ATPAF2: variants seen among roughly 807,000 people sequenced by gnomAD.
ATPAF2 encodes ATP synthase mitochondrial F1 complex assembly factor 2, also known as ATP12 homolog.
Under a neutral mutation model 36.6 loss-of-function variants are expected in ATPAF2, and 30 were observed. The ratio of observed to expected loss-of-function variants is 0.82; its 90% CI spans 0.61 to 1.11. ATPAF2 has a LOEUF of 1.11. Ranked by LOEUF, ATPAF2 falls within the 50% of genes most tolerant of loss-of-function variation. ATPAF2 has a pLI of 0.00. For missense variants in ATPAF2, 321 were observed against 372.3 expected, an observed-to-expected ratio of 0.86 and a Z score of 1.13; for synonymous variants, 140 against 152.6, an observed-to-expected ratio of 0.92 and a Z score of 0.61.
At chr17:18,016,832 G>A, downstream of ATPAF2, 2 of 455,902 alleles carry the variant, frequency 4.4e-6, no homozygotes, top group African/African-American at 2.0e-5. Context: ...ACTTCCAAAA[G>A]TAGAGAAAAT....
intron 1 of ATPAF2, among the ~76,000 whole-genome samples, chr17:18,035,896 TA>T (rs1415287524): frequency 6.6e-6 from 1 of 152,194 alleles, no homozygotes; most frequent in African/African-American, 2.4e-5. Context: ...AGACAACTGG[TA>T]AATAGCAGAG....
chr17:18,037,113 C>G (rs1278475805), intron 1 of ATPAF2, among the ~76,000 whole-genome samples: 1 of 152,028 alleles, frequency 6.6e-6, no homozygotes. Context: ...ATTAATTAAC[C>G]CTTTGCTTTT....
downstream of ATPAF2, among the ~76,000 whole-genome samples, chr17:18,017,736 A>G (rs1032558435): frequency 1.3e-5 from 2 of 152,242 alleles, no homozygotes; most frequent in Admixed American, 1.3e-4. Flanking sequence ...GCAAGGACAC[A>G]GGGCTGAGAG....
intron 4 of ATPAF2, 97 bp from the exon 5 acceptor site, chr17:18,024,801 T>A: frequency 9.9e-7 from 1 of 1,012,504 alleles, no homozygotes; most frequent in Non-Finnish European, 1.5e-6. Flanking sequence ...AGCAAAAACT[T>A]CACCACCACC....
chr17:18,025,432 T>C (rs2044529639), intron 4 of ATPAF2: 1 of 156,652 alleles, frequency 6.4e-6, no homozygotes, highest in South Asian at 1.9e-4. Flanking sequence ...CTGTCTTGTG[T>C]AAGCAAAGTG....
At chr17:18,023,949 A>G (rs944332898) in intron 5 of ATPAF2, among the ~76,000 whole-genome samples, 8 of 152,330 alleles carry the variant, frequency 5.3e-5, no homozygotes, top group Admixed American at 2.6e-4. Flanking sequence ...TTAAAGAAAA[A>G]TATTTCATAT....
At chr17:18,019,421 CT>C (rs1320296482) in intron 7 of ATPAF2, among the ~76,000 whole-genome samples, 3 of 152,256 alleles carry the variant, frequency 2.0e-5, no homozygotes, top group Non-Finnish European at 4.4e-5. Context: ...TCCAAGTTGC[CT>C]TGCCATGCTG....
At chr17:18,027,369 G>A (rs998394017) in intron 3 of ATPAF2, among the ~76,000 whole-genome samples, 15 of 152,142 alleles carry the variant, frequency 9.9e-5, no homozygotes, top group African/African-American at 3.6e-4. Flanking sequence ...GATGTTGGGA[G>A]GAGGCCCACC....
intron 1 of ATPAF2, among the ~76,000 whole-genome samples, chr17:18,035,312 A>G (rs1645034909): frequency 6.6e-6 from 1 of 152,238 alleles, no homozygotes. Flanking sequence ...ACCACATTCT[A>G]TTTATATAAA....
At chr17:18,035,717 G>A (rs2044693980) in intron 1 of ATPAF2, among the ~76,000 whole-genome samples, 1 of 152,244 alleles carries the variant, frequency 6.6e-6, no homozygotes, top group Non-Finnish European at 1.5e-5. Flanking sequence ...GTAAATGAAT[G>A]CATGTGGCTG....
chr17:18,021,694 C>T, intron 6 of ATPAF2, 51 bp downstream of exon 6: 2 of 1,503,194 alleles, frequency 1.3e-6, no homozygotes, highest in Non-Finnish European at 1.9e-6. Context: ...GCTTCAGACA[C>T]TGATGGCCTT....
chr17:18,030,536 C>T (rs983540044), intron 1 of ATPAF2, among the ~76,000 whole-genome samples: 1 of 128,672 alleles, frequency 7.8e-6, no homozygotes, highest in Non-Finnish European at 1.7e-5. Context: ...AAAAAAAAAA[C>T]AAGCTTAAGT....
intron 2 of ATPAF2, 30 bp from the exon 3 acceptor site, chr17:18,028,407 G>A (rs1230812996): frequency 6.2e-7 from 1 of 1,611,790 alleles, no homozygotes; most frequent in Admixed American, 1.7e-5. Flanking sequence ...AACTCTCAGG[G>A]ATTTGTTAAG....
rs2044469427 is a variant in ATPAF2, at chr17:18,021,598, A to G, written c.616+147T>C. On this transcript the variant is annotated intron_variant, in intron 6 of 7. Coordinates refer to ENST00000474627, the MANE Select transcript of ATPAF2 (RefSeq NM_145691.4). Reference sequence around the variant, plus strand: ...CTAGAGCGTAGAGTGATTGGCTAGCATCAGAGCCACCCAGCCTCCACACTC... The same window carrying G: ...CTAGAGCGTAGAGTGATTGGCTAGCGTCAGAGCCACCCAGCCTCCACACTC... The G allele has an allele frequency of 3.8e-6, 3 of 782,368 alleles. No individual in the cohort carries two copies. The African/African-American group carries it at 5.1e-5, about 13-fold the overall frequency. 48.5% of individuals were successfully genotyped at this position (782,368 alleles called of 1,614,324 possible). A position where few individuals can be genotyped will look rare whatever the true frequency, so the allele number is the denominator to read the frequency against.
chr17:18,033,635 G>T (rs1363462293), intron 1 of ATPAF2, among the ~76,000 whole-genome samples: 1 of 151,202 alleles, frequency 6.6e-6, no homozygotes, highest in African/African-American at 2.4e-5. Context: ...CCAAGAAGAG[G>T]AAGTACTGGT....
chr17:18,016,753 C>A (rs2044380405), downstream of ATPAF2: 3 of 793,618 alleles, frequency 3.8e-6, no homozygotes, highest in Non-Finnish European at 6.2e-6. Flanking sequence ...CTCACCCGCA[C>A]CTCTAGAGAG....
At chr17:18,016,525 T>G (rs770810095), downstream of ATPAF2, 3 of 1,420,694 alleles carry the variant, frequency 2.1e-6, no homozygotes, top group East Asian at 4.6e-5. Context: ...AATGATCTGA[T>G]GTAAGGAATC....
intron 1 of ATPAF2, among the ~76,000 whole-genome samples, chr17:18,033,997 T>C (rs1002491336): frequency 6.6e-5 from 10 of 151,940 alleles, no homozygotes; most frequent in African/African-American, 9.7e-5. Flanking sequence ...CACGTGCCTG[T>C]AGTCCCAGCT....
chr17:18,016,302 G>A, downstream of ATPAF2: 3 of 1,249,470 alleles, frequency 2.4e-6, no homozygotes, highest in Non-Finnish European at 3.4e-6. Flanking sequence ...TGAAATGAAG[G>A]AAGAAATAAA....
Sources: allele counts gnomAD v4.1 joint callset (sites outside exome capture counted in the v4.1 genomes callset), GRCh38; gene constraint gnomAD v4.1.1; transcripts MANE v1.5; gene names NCBI Gene and HGNC (gene_info 2026-07-23, HGNC 2026-07-21).